Variants in INPP4B observed in about 807,000 individuals in gnomAD.
The protein encoded by INPP4B is inositol polyphosphate 4-phosphatase type II.
In INPP4B, 55 loss-of-function variants were observed where a neutral mutation model predicts 122.5. The observed-to-expected ratio is 0.45, with a 90% CI of 0.36 to 0.56. The LOEUF (loss-of-function observed/expected upper bound fraction) is 0.56. Ranked by LOEUF, INPP4B falls within the 20% of genes least tolerant of loss-of-function variation. The probability of loss-of-function intolerance (pLI) is 0.00; values close to 1 mark genes in which losing one functional copy is unlikely to be tolerated. For missense variants in INPP4B, 1,000 were observed against 1,097.7 expected (o/e 0.91, Z 1.26); for synonymous variants, 403 against 388.7 (o/e 1.04, Z -0.43).
intron 1 of INPP4B, among the ~76,000 whole-genome samples, chr4:142,733,226 T>C (rs1476818565): frequency 6.6e-6 from 1 of 152,142 alleles, no homozygotes; most frequent in African/African-American, 2.4e-5. Context: ...GAAGAAAATA[T>C]CTTTCCCTTT....
At chr4:142,764,396 T>A (rs181809570) in intron 1 of INPP4B, among the ~76,000 whole-genome samples, 190 of 152,156 alleles carry the variant, frequency 1.2e-3, no homozygotes, top group Non-Finnish European at 2.0e-3. Flanking sequence ...TAATAAAAAA[T>A]TCAAGGCAAC....
chr4:142,173,815 A>G lies in INPP4B; in HGVS notation c.1182-6T>C. The stretch of plus-strand genomic sequence containing the variant: ...AAATAAACTGGTATCCGGTACTGCA[A>G]CAACAAAGATAAAAATAAGTTACAC... On this transcript the variant is annotated splice_region_variant and splice_polypyrimidine_tract_variant and intron_variant, in intron 15 of 25. Coordinates refer to ENST00000262992, the MANE Select transcript of INPP4B (RefSeq NM_001101669.3). 1.2e-6 allele frequency: 2 copies of G among 1,610,350 alleles called. No homozygotes were observed. Among genetic ancestry groups the G allele is most frequent in the South Asian group, 1.1e-5 (1 of 90,872 alleles).
At chr4:142,134,647 A>T (rs114890879) in intron 18 of INPP4B, among the ~76,000 whole-genome samples, 4,330 of 152,020 alleles carry the variant, frequency 0.028, 192 homozygotes, top group African/African-American at 0.098. Flanking sequence ...AATGCAAAAA[A>T]TTAGTTGGGC....
intron 7 of INPP4B, chr4:142,317,450 C>T (rs913756941): frequency 1.3e-5 from 4 of 300,256 alleles, no homozygotes; most frequent in East Asian, 1.9e-4. Flanking sequence ...AATAAACATA[C>T]GAAGGGATAT....
chr4:142,080,194 A>T (rs1002952299), intron 25 of INPP4B, among the ~76,000 whole-genome samples: 1 of 152,120 alleles, frequency 6.6e-6, no homozygotes, highest in Non-Finnish European at 1.5e-5. Context: ...AATGTATGGC[A>T]TATAGCCTGG....
intron 2 of INPP4B, among the ~76,000 whole-genome samples, chr4:142,470,652 C>G (rs1248440930): frequency 6.6e-6 from 1 of 152,112 alleles, no homozygotes; most frequent in East Asian, 1.9e-4. Context: ...ATTACAAGTA[C>G]CACAGCCAGC....
chr4:142,085,074 C>G (rs1343837210), intron 24 of INPP4B, among the ~76,000 whole-genome samples: 2 of 152,170 alleles, frequency 1.3e-5, no homozygotes, highest in East Asian at 1.9e-4. Flanking sequence ...AAATCAGCTG[C>G]CTGAAAGCGA....
At chr4:142,442,167 CT>C (rs758681206) in intron 3 of INPP4B, among the ~76,000 whole-genome samples, 82 of 151,912 alleles carry the variant, frequency 5.4e-4, no homozygotes, top group Non-Finnish European at 1.1e-3. Context: ...AATCCCAGCA[CT>C]TTGGGAGGCT....
At chr4:142,624,187 A>G (rs1442097406) in intron 2 of INPP4B, among the ~76,000 whole-genome samples, 1 of 151,980 alleles carries the variant, frequency 6.6e-6, no homozygotes, top group East Asian at 1.9e-4. Context: ...TCCCACCAAC[A>G]GTATAAAGTG....
At chr4:142,693,295 G>T (rs1760498093) in intron 2 of INPP4B, among the ~76,000 whole-genome samples, 2 of 151,766 alleles carry the variant, frequency 1.3e-5, no homozygotes, top group Admixed American at 1.3e-4. Context: ...ATTACTACAG[G>T]GTGCTCCTCT....
At chr4:142,110,044 C>G (rs1789225383) in intron 22 of INPP4B, among the ~76,000 whole-genome samples, 1 of 152,082 alleles carries the variant, frequency 6.6e-6, no homozygotes, top group African/African-American at 2.4e-5. Context: ...TTAAAAAATA[C>G]CATCCTTGCT....
chr4:142,433,441 T>C (rs58466279), intron 3 of INPP4B, among the ~76,000 whole-genome samples: 2,256 of 152,252 alleles, frequency 0.015, 52 homozygotes, highest in African/African-American at 0.052. Flanking sequence ...ATACTCTTGG[T>C]TCTCTCACCC....
chr4:142,839,415 C>A (rs184046725), intron 1 of INPP4B, among the ~76,000 whole-genome samples: 141 of 152,204 alleles, frequency 9.3e-4, no homozygotes, highest in Non-Finnish European at 1.7e-3. Flanking sequence ...GCCTGAGCGA[C>A]AGAGCAAGAC....
At chr4:142,581,580 C>T (rs62330248) in intron 2 of INPP4B, among the ~76,000 whole-genome samples, 2 of 36,824 alleles carry the variant, frequency 5.4e-5, no homozygotes, top group Non-Finnish European at 1.2e-4. Flanking sequence ...ATAGAAGTTC[C>T]ATTTCTATCT....
Position 142,314,724 on chromosome 4 carries a change from C to T in INPP4B, c.411G>A (p.Pro137=), listed in dbSNP as rs763236869. Residue 137 remains proline, a synonymous_variant, in exon 8 of 26, where the codon CCG becomes CCA. Coordinates refer to ENST00000262992, the MANE Select transcript of INPP4B (RefSeq NM_001101669.3). ...TAGAAACACTTACCCCAACTTCTGG[C>T]GGGGGATCCTTATGTTCTGGTAGGA... ...TSVLPEHKDP[P]PEVGRSFLGY... The T allele has an allele frequency of 1.7e-5, 28 of 1,600,390 alleles. No individual in the cohort carries two copies. Among genetic ancestry groups the T allele is most frequent in the African/African-American group, 4.0e-5 (3 of 74,588 alleles).
chr4:142,295,216 T>C (rs1758150118), intron 9 of INPP4B, among the ~76,000 whole-genome samples: 2 of 152,194 alleles, frequency 1.3e-5, no homozygotes, highest in Non-Finnish European at 2.9e-5. Flanking sequence ...TTAAAAAGAA[T>C]CTGTCAATGA....
chr4:142,655,500 G>A (rs560764539), intron 2 of INPP4B, among the ~76,000 whole-genome samples: 1 of 152,098 alleles, frequency 6.6e-6, no homozygotes, highest in African/African-American at 2.4e-5. Flanking sequence ...CAGCTAATTT[G>A]TACAACCTGT....
intron 1 of INPP4B, among the ~76,000 whole-genome samples, chr4:142,839,625 T>C (rs1044959007): frequency 2.0e-5 from 3 of 152,222 alleles, no homozygotes; most frequent in African/African-American, 7.2e-5. Context: ...AAATAACTGC[T>C]TTGTAAGTGT....
At chr4:142,153,858 T>G (rs1297876876) in intron 17 of INPP4B, among the ~76,000 whole-genome samples, 1 of 152,186 alleles carries the variant, frequency 6.6e-6, no homozygotes, top group Non-Finnish European at 1.5e-5. Flanking sequence ...TTCATGAATA[T>G]GCATGCACAT....
Sources: gnomAD v4.1 joint callset for allele counts (sites outside exome capture counted in the v4.1 genomes callset) on GRCh38, gnomAD v4.1.1 for gene constraint, MANE v1.5 for transcripts, NCBI Gene and HGNC (gene_info 2026-07-23, HGNC 2026-07-21) for gene names.